The following PARM1 variants were observed in gnomAD, a reference collection of about 807,000 sequenced individuals.
PARM1 encodes prostate androgen-regulated mucin-like protein 1, also known as WSC4, cell wall integrity and stress response component 4 homolog.
In PARM1, 14 loss-of-function variants were observed where a neutral mutation model predicts 24.6. The observed-to-expected ratio is 0.57, with a 90% CI of 0.38 to 0.89. The LOEUF is 0.89. Ranked by LOEUF, PARM1 falls within the 40% of genes least tolerant of loss-of-function variation. PARM1 has a pLI of 0.00. For synonymous variants in PARM1, 179 were observed against 156.6 expected (o/e 1.14, Z -1.07); for missense variants, 362 against 380.4 (o/e 0.95, Z 0.40).
Position 75,047,512 on chromosome 4 carries a change from G to A in PARM1, c.*1265G>A, listed in dbSNP as rs1298783320. On this transcript the variant is annotated 3_prime_UTR_variant, in exon 4 of 4. Coordinates refer to ENST00000307428, the MANE Select transcript of PARM1 (RefSeq NM_015393.4). Reference sequence around the variant, plus strand: ...GTGTATTGCAATCATTCTCAACCAGGAGGTGATTTTGCCCCCTGACTCCAC... The same window carrying A: ...GTGTATTGCAATCATTCTCAACCAGAAGGTGATTTTGCCCCCTGACTCCAC... 1 of 152,180 alleles carries A rather than the reference G, an allele frequency of 6.6e-6. No individual in the cohort carries two copies. The highest frequency in any genetic ancestry group is 1.5e-5 in the Non-Finnish European group (1 of 68,034). 9.4% of individuals were successfully genotyped at this position (152,180 alleles called of 1,614,324 possible).
At chr4:75,026,431 C>G (rs921387794) in intron 2 of PARM1, among the ~76,000 whole-genome samples, 1 of 152,146 alleles carries the variant, frequency 6.6e-6, no homozygotes, top group African/African-American at 2.4e-5. Context: ...CAGTTACATA[C>G]TAAAACAAAT....
chr4:74,943,497 T>TA (rs56709794), intron 1 of PARM1, among the ~76,000 whole-genome samples: 2,259 of 143,822 alleles, frequency 0.016, 48 homozygotes, highest in African/African-American at 0.049. Context: ...CAAAAAGCTG[T>TA]AAAAAAAAAA....
At chr4:74,964,739 G>A (rs975137594) in intron 1 of PARM1, among the ~76,000 whole-genome samples, 1 of 152,092 alleles carries the variant, frequency 6.6e-6, no homozygotes. Flanking sequence ...TAGACATTTA[G>A]TAGGAGCTTA....
chr4:74,983,201 C>T (rs1009443838), intron 1 of PARM1, among the ~76,000 whole-genome samples: 2 of 152,164 alleles, frequency 1.3e-5, no homozygotes, highest in African/African-American at 4.8e-5. Context: ...CATTGTATAT[C>T]TCAGTAGGTA....
intron 1 of PARM1, among the ~76,000 whole-genome samples, chr4:74,971,908 G>A (rs1293037736): frequency 6.6e-6 from 1 of 152,204 alleles, no homozygotes; most frequent in African/African-American, 2.4e-5. Flanking sequence ...GCACTGATTA[G>A]CTGGATGGTG....
chr4:74,976,668 T>G (rs960633532), intron 1 of PARM1, among the ~76,000 whole-genome samples: 6 of 152,204 alleles, frequency 3.9e-5, no homozygotes, highest in Non-Finnish European at 7.3e-5. Flanking sequence ...CAACAGGGGT[T>G]GCCAGACACC....
At chr4:75,040,229 T>C (rs1328165605) in intron 3 of PARM1, among the ~76,000 whole-genome samples, 1 of 152,176 alleles carries the variant, frequency 6.6e-6, no homozygotes, top group African/African-American at 2.4e-5. Context: ...CCACACAGAT[T>C]TTTACTAGCT....
chr4:74,996,730 C>A (rs564654573), intron 1 of PARM1, among the ~76,000 whole-genome samples: 1 of 152,144 alleles, frequency 6.6e-6, no homozygotes, highest in Non-Finnish European at 1.5e-5. Context: ...TGTTTTATTA[C>A]AGTGAAACAG....
chr4:75,012,995 C>G lies in PARM1; in HGVS notation c.614C>G (p.Thr205Arg). The change falls in exon 2 of 4, where the codon ACA (threonine) becomes AGA (arginine). Residue 205 changes from threonine (T) to arginine (R), a missense_variant. Thr to Arg is a moderately conservative substitution (Grantham distance 71). Coordinates refer to ENST00000307428, the MANE Select transcript of PARM1 (RefSeq NM_015393.4). ...SPTEESSSDH[T>R]PTSHATAEPV... ...ACAGAGGAGTCCAGCTCTGACCACACACCCACTTCACATGCCACAGCTGAG... is the reference window on the plus strand; with the variant it reads ...ACAGAGGAGTCCAGCTCTGACCACAGACCCACTTCACATGCCACAGCTGAG... 6.2e-7 allele frequency: 1 copy of G among 1,614,028 alleles called. No individual in the cohort carries two copies.
chr4:74,989,232 A>G (rs952223731), intron 1 of PARM1, among the ~76,000 whole-genome samples: 2 of 152,120 alleles, frequency 1.3e-5, no homozygotes, highest in Non-Finnish European at 2.9e-5. Context: ...CAGATCCCAC[A>G]GCTTAAGGGC....
chr4:75,017,674 G>T (rs1723012558), intron 2 of PARM1, among the ~76,000 whole-genome samples: 1 of 152,184 alleles, frequency 6.6e-6, no homozygotes, highest in Non-Finnish European at 1.5e-5. Context: ...ACTAGACAGA[G>T]TCAGTGTCTG....
intron 1 of PARM1, among the ~76,000 whole-genome samples, chr4:74,959,596 C>T (rs769297807): frequency 2.0e-5 from 3 of 152,178 alleles, no homozygotes; most frequent in East Asian, 1.9e-4. Context: ...CTCATGGGAA[C>T]GTTTTGTATC....
At chr4:75,031,527 T>TAA (rs58506227) in intron 2 of PARM1, among the ~76,000 whole-genome samples, 1 of 134,764 alleles carries the variant, frequency 7.4e-6, no homozygotes, top group Non-Finnish European at 1.6e-5. Context: ...TCACTTACAA[T>TAA]AAAAAAAAAA....
At chr4:74,949,520 G>T (rs1458617075) in intron 1 of PARM1, among the ~76,000 whole-genome samples, 1 of 152,154 alleles carries the variant, frequency 6.6e-6, no homozygotes, top group Non-Finnish European at 1.5e-5. Context: ...CACCATGTTA[G>T]CCAGGATGGT....
chr4:75,003,245 G>A (rs565504065), intron 1 of PARM1, among the ~76,000 whole-genome samples: 2 of 151,704 alleles, frequency 1.3e-5, no homozygotes, highest in South Asian at 4.2e-4. Context: ...CTTCCTTCTG[G>A]TGTGACCACT....
chr4:75,015,691 G>C (rs1722971886), intron 2 of PARM1, among the ~76,000 whole-genome samples: 1 of 152,164 alleles, frequency 6.6e-6, no homozygotes, highest in South Asian at 2.1e-4. Context: ...TGATGTGATA[G>C]AACCTGTTCA....
chr4:74,977,873 A>G (rs886996724), intron 1 of PARM1, among the ~76,000 whole-genome samples: 1 of 152,234 alleles, frequency 6.6e-6, no homozygotes, highest in Non-Finnish European at 1.5e-5. Flanking sequence ...ACTAAGCTTC[A>G]TAAGTGAAGG....
intron 2 of PARM1, among the ~76,000 whole-genome samples, chr4:75,017,541 C>G (rs1723011182): frequency 6.6e-6 from 1 of 152,124 alleles, no homozygotes; most frequent in South Asian, 2.1e-4. Context: ...TACTCACTCC[C>G]CCATCTGAAA....
chr4:74,987,979 G>C (rs187729370), intron 1 of PARM1, among the ~76,000 whole-genome samples: 1 of 152,282 alleles, frequency 6.6e-6, no homozygotes, highest in East Asian at 1.9e-4. Flanking sequence ...GAGGCCCTGG[G>C]CTAGTAGCCT....
Sources: allele counts gnomAD v4.1 joint callset (sites outside exome capture counted in the v4.1 genomes callset), GRCh38; gene constraint gnomAD v4.1.1; transcripts MANE v1.5; gene names NCBI Gene and HGNC (gene_info 2026-07-23, HGNC 2026-07-21).